Variants in UEVLD observed in about 807,000 individuals in gnomAD.
UEVLD encodes the protein UEV and lactate/malate dehyrogenase domains.
A neutral mutation model predicts 58.6 loss-of-function variants in UEVLD; 47 were observed. The ratio of observed to expected loss-of-function variants is 0.80; its 90% confidence interval spans 0.63 to 1.02. UEVLD has a LOEUF of 1.02. Among genes scored for constraint, UEVLD ranks in the 50% least tolerant of loss-of-function variants. The pLI, the probability that UEVLD is intolerant of heterozygous loss-of-function variation, is 0.00. For synonymous variants in UEVLD, 197 were observed against 195.3 expected, an observed-to-expected ratio of 1.01 and a Z score of -0.07; for missense variants, 510 against 550.6, an observed-to-expected ratio of 0.93 and a Z score of 0.74.
At chr11:18,575,026 G>C (rs898825273) in intron 3 of UEVLD, among the ~76,000 whole-genome samples, 1 of 152,124 alleles carries the variant, frequency 6.6e-6, no homozygotes, top group Non-Finnish European at 1.5e-5. Context: ...CACCTACTTT[G>C]AAAGAAGTCC....
At chr11:18,544,935 CACATATAT>C (rs1851227053) in intron 8 of UEVLD, 139 bp from the exon 9 acceptor site, 1 of 482,948 alleles carries the variant, frequency 2.1e-6, no homozygotes, top group Non-Finnish European at 3.5e-6. Context: ...TATACACACA[CACATATAT>C]ACATATATAT....
chr11:18,572,829 A>G lies in UEVLD; in HGVS notation c.194-2452T>C, dbSNP rs997228313. Reference sequence around the variant, plus strand: ...CAAAAAAAAAAAAAAAAGGCAGACAAATAATAATGGCCACATTTACTGAGC... The same window carrying G: ...CAAAAAAAAAAAAAAAAGGCAGACAGATAATAATGGCCACATTTACTGAGC... On this transcript the variant is annotated intron_variant, in intron 3 of 11. Transcript: ENST00000396197. Among the ~76,000 whole-genome samples, 4 of 151,998 alleles carry G rather than the reference A, an allele frequency of 2.6e-5. No homozygotes were observed. In the East Asian group the frequency reaches 7.7e-4, roughly 29 times the overall value.
At chr11:18,536,895 CTT>C (rs370747121) in intron 9 of UEVLD, 388 of 139,696 alleles carry the variant, frequency 2.8e-3, no homozygotes, top group South Asian at 5.1e-3. Context: ...AATCCTGTTC[CTT>C]TTTTTTTTTT....
At chr11:18,566,601 C>T in intron 4 of UEVLD, 119 bp from the exon 5 acceptor site, 1 of 1,006,234 alleles carries the variant, frequency 9.9e-7, no homozygotes, top group Non-Finnish European at 1.4e-6. Context: ...GTTATGGTTG[C>T]ACCACTATAC....
chr11:18,551,506 G>C (rs1321786150), intron 7 of UEVLD, among the ~76,000 whole-genome samples: 1 of 151,278 alleles, frequency 6.6e-6, no homozygotes, highest in East Asian at 1.9e-4. Context: ...GTCCTGTCAT[G>C]TCACAGGTAA....
At chr11:18,575,467 T>C (rs1852857735) in intron 2 of UEVLD, 55 bp from the exon 3 acceptor site, 11 of 1,541,122 alleles carry the variant, frequency 7.1e-6, no homozygotes, top group Non-Finnish European at 9.7e-6. Context: ...GAAAGAACTG[T>C]AGTAAAGTAT....
intron 7 of UEVLD, among the ~76,000 whole-genome samples, chr11:18,551,331 G>A (rs558208563): frequency 1.3e-5 from 2 of 151,262 alleles, no homozygotes; most frequent in African/African-American, 4.9e-5. Context: ...GCTGAAGCAA[G>A]AGAATCGCTT....
At chr11:18,583,404 A>C (rs1251274709) in intron 1 of UEVLD, among the ~76,000 whole-genome samples, 1 of 151,540 alleles carries the variant, frequency 6.6e-6, no homozygotes, top group East Asian at 1.9e-4. Context: ...TTTTTAGTGG[A>C]GATGGGGTTT....
At chr11:18,582,405 CTT>C (rs773719146) in intron 1 of UEVLD, among the ~76,000 whole-genome samples, 40 of 75,626 alleles carry the variant, frequency 5.3e-4, no homozygotes, top group African/African-American at 8.5e-4. Context: ...AAAATATTAG[CTT>C]TTTTTTTTTT....
chr11:18,551,422 C>CAA lies in UEVLD; in HGVS notation c.716-4374_716-4373dup, dbSNP rs34545423. 7.0e-4 allele frequency among the ~76,000 whole-genome samples: 47 copies of CAA among 67,334 alleles called. 1 individual carries two copies. Among genetic ancestry groups the CAA allele is most frequent in the South Asian group, 2.1e-3 (5 of 2,378 alleles). 44.2% of individuals were successfully genotyped at this position (67,334 alleles called of 152,430 possible). On this transcript the variant is annotated intron_variant, in intron 7 of 11. Transcript: ENST00000396197. ...TGGGCAACCGAGTAAGACTCCATCA[C>CAA]AAAAAAAAAAAAAAAAAGAGGATCA... is the stretch of plus-strand genomic sequence containing the variant.
At chr11:18,542,890 C>CTTTTCTT (rs1288736148) in intron 9 of UEVLD, among the ~76,000 whole-genome samples, 4 of 125,898 alleles carry the variant, frequency 3.2e-5, no homozygotes, top group East Asian at 2.6e-4. Context: ...CTTTTCTTTT[C>CTTTTCTT]TTTTTTTTTT....
chr11:18,542,890 C>CTTTTTCTT (rs1554975747), intron 9 of UEVLD, among the ~76,000 whole-genome samples: 1 of 125,902 alleles, frequency 7.9e-6, no homozygotes, highest in African/African-American at 2.9e-5. Context: ...CTTTTCTTTT[C>CTTTTTCTT]TTTTTTTTTT....
chr11:18,546,398 G>A (rs906589644), intron 8 of UEVLD, among the ~76,000 whole-genome samples: 2 of 151,980 alleles, frequency 1.3e-5, no homozygotes, highest in African/African-American at 2.4e-5. Context: ...CAAGTAACTG[G>A]TTGCCAGAAT....
chr11:18,547,029 G>A lies in UEVLD; in HGVS notation c.737C>T (p.Ser246Phe). 1.2e-6 allele frequency: 2 copies of A among 1,613,314 alleles called. No individual in the cohort carries two copies. The highest frequency in any genetic ancestry group is 1.7e-6 in the Non-Finnish European group (2 of 1,179,872). ...ISKDLSASAH[S>F]KVVIFTVNSL... The stretch of plus-strand genomic sequence containing the variant: ...GTTGACTGTGAAGATCACCACCTTG[G>A]AATGAGCAGAGGCAGACAAATCTAG... Residue 246 changes from serine to phenylalanine, a missense_variant, in exon 8 of 12, where the codon TCC becomes TTC. By Grantham distance (155) the Ser-to-Phe change is radical. Coordinates refer to ENST00000396197, the MANE Select transcript of UEVLD (RefSeq NM_001040697.4).
At position 18,583,657 on chromosome 11, in the gene UEVLD, CTTTTT is replaced by C. The variant is rs35384688; in HGVS notation, c.43-4854_43-4850del. On this transcript the variant is annotated intron_variant, in intron 1 of 11. Coordinates refer to ENST00000396197, the MANE Select transcript of UEVLD (RefSeq NM_001040697.4). ...GGAATCTTTATTAAGTCCAGTATTA[CTTTTT>C]TTTTTTTTTTTTTTTTGAGACAGAG... Among the ~76,000 whole-genome samples the C allele has an allele frequency of 4.3e-3, 501 of 117,232 alleles. 5 individuals are homozygous for C. The highest frequency in any genetic ancestry group is 0.019 in the Middle Eastern group (4 of 216). The allele number at this position is 117,232 out of a possible 152,430, so 76.9% of individuals were successfully genotyped here.
intron 3 of UEVLD, among the ~76,000 whole-genome samples, chr11:18,573,462 GA>G (rs2134046051): frequency 6.6e-6 from 1 of 152,086 alleles, no homozygotes; most frequent in Non-Finnish European, 1.5e-5. Context: ...AACTTAAGGG[GA>G]ACAGGTCTGA....
intron 2 of UEVLD, among the ~76,000 whole-genome samples, chr11:18,575,935 C>T (rs1047407445): frequency 3.9e-5 from 6 of 152,166 alleles, no homozygotes; most frequent in Admixed American, 3.9e-4. Flanking sequence ...CCAGAGTGAT[C>T]GACGGCCTTT....
At chr11:18,552,927 G>A (rs1180815050) in intron 7 of UEVLD, among the ~76,000 whole-genome samples, 18 of 151,862 alleles carry the variant, frequency 1.2e-4, no homozygotes, top group Non-Finnish European at 2.2e-4. Flanking sequence ...AGGCCAAGGC[G>A]GGTGGATCAC....
At chr11:18,568,469 TA>T (rs1422860092) in intron 4 of UEVLD, among the ~76,000 whole-genome samples, 5 of 152,286 alleles carry the variant, frequency 3.3e-5, no homozygotes, top group Admixed American at 2.6e-4. Context: ...GATTGATAAG[TA>T]AATGAAAATG....
Sources: allele counts gnomAD v4.1 joint callset (sites outside exome capture counted in the v4.1 genomes callset), GRCh38; gene constraint gnomAD v4.1.1; transcripts MANE v1.5; gene names NCBI Gene and HGNC (gene_info 2026-07-23, HGNC 2026-07-21).